The following CNTN1 variants were observed in gnomAD, a reference collection of about 807,000 sequenced individuals.
The protein encoded by CNTN1 is contactin 1.
Under a neutral mutation model 126.4 loss-of-function variants are expected in CNTN1, and 38 were observed. The observed-to-expected ratio is 0.30, with a 90% confidence interval of 0.23 to 0.39. The LOEUF (loss-of-function observed/expected upper bound fraction) is 0.39, where lower values mean the gene tolerates loss of function less well. CNTN1 is among the 10% of genes least tolerant of loss of function. The probability of loss-of-function intolerance (pLI) is 1.00; values close to 1 mark genes in which losing one functional copy is unlikely to be tolerated. For synonymous variants in CNTN1, 413 were observed against 422.6 expected (o/e 0.98, Z 0.28); for missense variants, 1,009 against 1,248.4 (o/e 0.81, Z 2.89).
At chr12:40,802,276 C>T (rs747348764) in intron 1 of CNTN1, among the ~76,000 whole-genome samples, 1 of 151,686 alleles carries the variant, frequency 6.6e-6, no homozygotes, top group Non-Finnish European at 1.5e-5. Flanking sequence ...GAAGGAAATC[C>T]AAGTTTAGAA....
chr12:40,770,736 G>T (rs1939305045), intron 1 of CNTN1, among the ~76,000 whole-genome samples: 1 of 152,096 alleles, frequency 6.6e-6, no homozygotes, highest in Admixed American at 6.6e-5. Flanking sequence ...TTTCTAAAAT[G>T]TGTATAAAGA....
chr12:40,762,828 A>C (rs1036265464), intron 1 of CNTN1, among the ~76,000 whole-genome samples: 2 of 152,158 alleles, frequency 1.3e-5, no homozygotes, highest in African/African-American at 4.8e-5. Context: ...TAATAATGAA[A>C]GCATGTAATT....
At chr12:40,980,349 T>C (rs1194668026) in intron 15 of CNTN1, among the ~76,000 whole-genome samples, 2 of 149,608 alleles carry the variant, frequency 1.3e-5, no homozygotes, top group African/African-American at 4.9e-5. Context: ...GCGGCTGAGC[T>C]GGGAGGATCT....
At position 40,944,020 on chromosome 12, in the gene CNTN1, A is replaced by G. The variant is rs776957162; in HGVS notation, c.1533A>G (p.Pro511=). 1.9e-6 allele frequency: 3 copies of G among 1,613,546 alleles called. No individual in the cohort carries two copies. Among genetic ancestry groups the G allele is most frequent in the Admixed American group, 3.3e-5 (2 of 59,922 alleles). Residue 511 remains proline (P), a synonymous_variant, in exon 14 of 24, where the codon CCA becomes CCG. Transcript: ENST00000551295. ...ATCCTACGCGAATTATATTGGCCCC[A>G]ATTAATGCCGATATCACAGTTGGAG... is the stretch of plus-strand genomic sequence containing the variant. ...ITDPTRIILA[P]INADITVGEN...
At position 41,060,028 on chromosome 12, in the gene CNTN1, A is replaced by C. The variant is rs1410421944; in HGVS notation, c.2981-9931A>C. ...AACTGAGTGAGTTTGTCGGAAAAAA[A>C]AAATGAACAGATATTTGTTAATGAC... On this transcript the variant is annotated intron_variant, in intron 23 of 23. Transcript: ENST00000551295. Among the ~76,000 whole-genome samples the C allele has an allele frequency of 2.6e-5, 4 of 152,184 alleles. No individual in the cohort carries two copies. The East Asian group carries it at 7.7e-4, about 29-fold the overall frequency.
chr12:40,831,160 T>A (rs1941826622), intron 1 of CNTN1, among the ~76,000 whole-genome samples: 1 of 147,056 alleles, frequency 6.8e-6, no homozygotes, highest in African/African-American at 2.5e-5. Flanking sequence ...AAATATATAC[T>A]GTAAATGTAT....
At chr12:40,918,994 G>A (rs556918199) in intron 4 of CNTN1, among the ~76,000 whole-genome samples, 2 of 152,182 alleles carry the variant, frequency 1.3e-5, no homozygotes, top group South Asian at 4.1e-4. Flanking sequence ...CACAGATAAT[G>A]TTACTGGCAT....
chr12:40,929,120 T>C (rs1358525422), intron 6 of CNTN1, among the ~76,000 whole-genome samples: 1 of 151,984 alleles, frequency 6.6e-6, no homozygotes, highest in Non-Finnish European at 1.5e-5. Context: ...TAGAAAACTA[T>C]AGGAAATGCA....
intron 14 of CNTN1, 112 bp from the exon 15 acceptor site, chr12:40,959,002 T>C: frequency 7.8e-7 from 1 of 1,278,068 alleles, no homozygotes; most frequent in Non-Finnish European, 1.1e-6. Flanking sequence ...CTAAAACACA[T>C]TCTTTAAGTG....
At chr12:40,944,957 A>T (rs1271379533) in intron 14 of CNTN1, among the ~76,000 whole-genome samples, 1 of 152,108 alleles carries the variant, frequency 6.6e-6, no homozygotes, top group Non-Finnish European at 1.5e-5. Flanking sequence ...TTATTAATAT[A>T]AAAAAGAAGC....
At chr12:40,952,421 T>C (rs558874663) in intron 14 of CNTN1, among the ~76,000 whole-genome samples, 11 of 152,206 alleles carry the variant, frequency 7.2e-5, no homozygotes, top group African/African-American at 2.4e-4. Context: ...TTGCTAGACA[T>C]TTAAAAAACA....
At chr12:40,787,091 A>G (rs867742982) in intron 1 of CNTN1, among the ~76,000 whole-genome samples, 3 of 152,178 alleles carry the variant, frequency 2.0e-5, no homozygotes, top group Admixed American at 1.3e-4. Context: ...CTGCCTCTAT[A>G]TCAAGTTATT....
rs10639318 is a variant in CNTN1 at position 40,767,304 on chromosome 12, C to CTTTTTTT, written c.-77+74728_-77+74734dup. Among the ~76,000 whole-genome samples, 149 of 89,720 alleles carry CTTTTTTT rather than the reference C, an allele frequency of 1.7e-3. 1 individual carries two copies. The highest frequency in any genetic ancestry group is 2.3e-3 in the Admixed American group (14 of 6,160). The allele number at this position is 89,720 out of a possible 152,430, so 58.9% of individuals were successfully genotyped here. A position where few individuals can be genotyped will look rare whatever the true frequency, so the allele number is the denominator to read the frequency against. ...ATTATCTTATTTCTGCTGACCTTTC[C>CTTTTTTT]TTTTTTTTTTTTTTTTTTTTTTGAG... On this transcript the variant is annotated intron_variant, in intron 1 of 23. Coordinates refer to ENST00000551295, the MANE Select transcript of CNTN1 (RefSeq NM_001843.4).
At position 40,910,072 on chromosome 12, in the gene CNTN1, G is replaced by T; in HGVS notation, c.62-1G>T. On this transcript the variant is annotated splice_acceptor_variant, in intron 2 of 23. Transcript: ENST00000551295. LOFTEE classifies it high-confidence loss of function. ...AAAATTGTTTTTTCTTTCATTTTTAGAGTTTACATGGTATAGAAGATATGG... is the reference window on the plus strand; with the variant it reads ...AAAATTGTTTTTTCTTTCATTTTTATAGTTTACATGGTATAGAAGATATGG... 1 of 1,604,436 alleles carries T rather than the reference G, an allele frequency of 6.2e-7. No individual in the cohort carries two copies. The highest frequency in any genetic ancestry group is 8.5e-7 in the Non-Finnish European group (1 of 1,172,658).
At chr12:40,757,859 T>C (rs1938674484) in intron 1 of CNTN1, among the ~76,000 whole-genome samples, 1 of 152,170 alleles carries the variant, frequency 6.6e-6, no homozygotes, top group African/African-American at 2.4e-5. Context: ...AAATACAAAG[T>C]ACTATAGATT....
chr12:40,872,208 TTGTTTG>T (rs199791385), intron 1 of CNTN1, among the ~76,000 whole-genome samples: 8,049 of 124,048 alleles, frequency 0.065, 287 homozygotes, highest in African/African-American at 0.1. Flanking sequence ...TTCCGTTGCT[TTGTTTG>T]TGTGTGTGTG....
intron 1 of CNTN1, among the ~76,000 whole-genome samples, chr12:40,826,951 C>T (rs1475926548): frequency 1.3e-5 from 2 of 148,628 alleles, no homozygotes; most frequent in African/African-American, 5.2e-5. Flanking sequence ...ACCTTAATAA[C>T]ATCATGTTCA....
At position 40,980,950 on chromosome 12, in the gene CNTN1, A is replaced by G. The variant is rs1386014871; in HGVS notation, c.1846A>G (p.Arg616Gly). The change falls in exon 16 of 24, where the codon AGA becomes GGA. Residue 616 changes from arginine (R) to glycine (G), a missense_variant. Coordinates refer to ENST00000551295, the MANE Select transcript of CNTN1 (RefSeq NM_001843.4). ...AGGTGGTCTGAGAATAGAAGACATT[A>G]GAGCCACTTCTGTGGCACTTACTTG... ...PPGGLRIEDIRATSVALTWSR... is the reference protein window; with the variant it reads ...PPGGLRIEDIGATSVALTWSR... 6.2e-7 allele frequency: 1 copy of G among 1,614,036 alleles called. No individual in the cohort carries two copies. The highest frequency in any genetic ancestry group is 1.3e-5 in the African/African-American group (1 of 75,060).
At chr12:40,958,982 G>C (rs1947002485) in intron 14 of CNTN1, 132 bp from the exon 15 acceptor site, 2 of 1,017,138 alleles carry the variant, frequency 2.0e-6, no homozygotes, top group Non-Finnish European at 3.0e-6. Flanking sequence ...AGGACATAGA[G>C]TTAGCATGTC....
Sources: gnomAD v4.1 joint callset for allele counts (sites outside exome capture counted in the v4.1 genomes callset) on GRCh38, gnomAD v4.1.1 for gene constraint, MANE v1.5 for transcripts, NCBI Gene and HGNC (gene_info 2026-07-23, HGNC 2026-07-21) for gene names.